PRKCZ: variants seen among roughly 807,000 people sequenced by gnomAD.
The protein encoded by PRKCZ is protein kinase C zeta, also known as protein kinase C zeta type.
PRKCZ carries 33 observed loss-of-function variants against 79.5 expected under a neutral mutation model. That is an observed-to-expected ratio of 0.41 (90% CI 0.31 to 0.55). PRKCZ has a LOEUF of 0.55. Ranked by LOEUF, PRKCZ falls within the 20% of genes least tolerant of loss-of-function variation. PRKCZ has a pLI of 0.19. For missense variants in PRKCZ, 578 were observed against 813.5 expected (o/e 0.71, Z 3.52); for synonymous variants, 342 against 320.9 (o/e 1.07, Z -0.70).
intron 4 of PRKCZ, among the ~76,000 whole-genome samples, chr1:2,072,988 C>G (rs1219716812): frequency 1.3e-5 from 2 of 152,166 alleles, no homozygotes; most frequent in Non-Finnish European, 2.9e-5. Context: ...AATGCCAGGT[C>G]TCACTTGCCA....
chr1:2,174,591 C>T lies in PRKCZ; in HGVS notation c.1406-163C>T, dbSNP rs1008107061. On this transcript the variant is annotated intron_variant, in intron 14 of 17. Transcript: ENST00000378567. The surrounding 1 kb of genome is among the most constrained non-coding windows in gnomAD (Gnocchi z 6.2). ...GTAACCAGGAGGCCCAGGGAGGACC[C>T]GGCGGGACTCCGGGTTATAGATATT... 1.3e-5 allele frequency among the ~76,000 whole-genome samples: 2 copies of T among 152,354 alleles called. No individual in the cohort carries two copies. Among genetic ancestry groups the T allele is most frequent in the East Asian group, 1.9e-4 (1 of 5,182 alleles).
At chr1:2,055,762 A>T in intron 2 of PRKCZ, 200 bp downstream of exon 2, 1 of 747,590 alleles carries the variant, frequency 1.3e-6, no homozygotes, top group Non-Finnish European at 2.1e-6. Context: ...CTGGGCCCAG[A>T]TGCCCCTAGG....
chr1:2,138,028 G>A lies in PRKCZ; in HGVS notation c.420+2681G>A, dbSNP rs1676574307. ...CTAATTGTGCCCGGGCTCTGATCTC[G>A]CCACCTGCTCGTAACGTTCTCTGTC... On this transcript the variant is annotated intron_variant, in intron 5 of 17. Coordinates refer to ENST00000378567, the MANE Select transcript of PRKCZ (RefSeq NM_002744.6). 3.3e-5 allele frequency among the ~76,000 whole-genome samples: 5 copies of A among 152,164 alleles called. No individual in the cohort carries two copies. In the South Asian group the frequency reaches 1.0e-3, roughly 31 times the overall value.
At chr1:2,060,721 G>C (rs1660597314) in intron 4 of PRKCZ, among the ~76,000 whole-genome samples, 1 of 152,200 alleles carries the variant, frequency 6.6e-6, no homozygotes, top group African/African-American at 2.4e-5. Flanking sequence ...GGGTGGTCTG[G>C]GGCTGGACCT....
At chr1:2,117,428 G>A (rs573971983) in intron 4 of PRKCZ, among the ~76,000 whole-genome samples, 1 of 150,210 alleles carries the variant, frequency 6.7e-6, no homozygotes, top group Non-Finnish European at 1.5e-5. Context: ...TAACTCATTT[G>A]TCTTGGCCTC....
intron 1 of PRKCZ, among the ~76,000 whole-genome samples, chr1:2,054,658 T>TA (rs1235954542): frequency 6.6e-6 from 1 of 151,876 alleles, no homozygotes; most frequent in Admixed American, 6.5e-5. Context: ...GGCCTTTCAT[T>TA]ATGGAATTAT....
At chr1:2,055,641 T>C in intron 2 of PRKCZ, 79 bp downstream of exon 2, 3 of 1,520,500 alleles carry the variant, frequency 2.0e-6, no homozygotes, top group Non-Finnish European at 2.7e-6. Flanking sequence ...CGGAGTGTGC[T>C]CAGCCAATTC....
chr1:2,095,057 G>T (rs1666221302), intron 4 of PRKCZ, among the ~76,000 whole-genome samples: 1 of 152,178 alleles, frequency 6.6e-6, no homozygotes, highest in Non-Finnish European at 1.5e-5. Context: ...CACACCCCAG[G>T]CCCCGTAGCA....
At chr1:2,126,990 TGA>T (rs1437051197) in intron 4 of PRKCZ, among the ~76,000 whole-genome samples, 1 of 152,244 alleles carries the variant, frequency 6.6e-6, no homozygotes, top group Admixed American at 6.5e-5. Flanking sequence ...TGCCTAGACG[TGA>T]GAGGACGGAA....
At chr1:2,061,826 T>G (rs1334247364) in intron 4 of PRKCZ, among the ~76,000 whole-genome samples, 2 of 152,216 alleles carry the variant, frequency 1.3e-5, no homozygotes, top group Non-Finnish European at 2.9e-5. Flanking sequence ...TCCTGTGCTT[T>G]CTTTCACTCT....
At chr1:2,158,785 A>G (rs1411292870) in intron 10 of PRKCZ, among the ~76,000 whole-genome samples, 1 of 152,214 alleles carries the variant, frequency 6.6e-6, no homozygotes, top group Non-Finnish European at 1.5e-5. Flanking sequence ...TCAAGTCACA[A>G]GTTCCCAGAT....
chr1:2,078,635 C>A (rs142529488), intron 4 of PRKCZ, among the ~76,000 whole-genome samples: 1 of 152,274 alleles, frequency 6.6e-6, no homozygotes, highest in East Asian at 1.9e-4. Context: ...GCCGACTCCC[C>A]GTCTCTGACT....
In PRKCZ at chr1:2,069,491, C is replaced by T. The variant is rs905820768; in HGVS notation, c.334+9900C>T. ...TGGTGCCTTTTCTTTACCTGTAAAA[C>T]GGGGTGATTGTAAATAAAATCGTGT... On this transcript the variant is annotated intron_variant, in intron 4 of 17. Transcript: ENST00000378567. 3.9e-5 allele frequency among the ~76,000 whole-genome samples: 6 copies of T among 152,308 alleles called. No individual in the cohort carries two copies. The South Asian group carries it at 6.2e-4, about 16-fold the overall frequency.
chr1:2,107,189 C>T (rs1040110591), intron 4 of PRKCZ, among the ~76,000 whole-genome samples: 5 of 152,242 alleles, frequency 3.3e-5, no homozygotes, highest in Non-Finnish European at 7.3e-5. Context: ...TCTCGTGATT[C>T]GTGTAACAGT....
At chr1:2,176,637 C>T (rs1419575955) in intron 16 of PRKCZ, among the ~76,000 whole-genome samples, 1 of 152,218 alleles carries the variant, frequency 6.6e-6, no homozygotes, top group Admixed American at 6.5e-5. Context: ...CAGGAGAAAG[C>T]CCAGCTCTAG....
At chr1:2,048,925 G>C (rs1659440500), upstream of PRKCZ, among the ~76,000 whole-genome samples, 1 of 152,208 alleles carries the variant, frequency 6.6e-6, no homozygotes, top group African/African-American at 2.4e-5. Flanking sequence ...CAGCACTTTG[G>C]GAAGCCAAGG....
In PRKCZ at chr1:2,172,526, A is replaced by G. The variant is rs1684630795; in HGVS notation, c.1285+138A>G. 2 of 1,010,776 alleles carry G rather than the reference A, an allele frequency of 2.0e-6. No individual in the cohort carries two copies. The highest frequency in any genetic ancestry group is 3.3e-5 in the African/African-American group (2 of 61,224). 62.6% of individuals were successfully genotyped at this position (1,010,776 alleles called of 1,614,324 possible). A position where few individuals can be genotyped will look rare whatever the true frequency, so the allele number is the denominator to read the frequency against. On this transcript the variant is annotated intron_variant, in intron 13 of 17. Coordinates refer to ENST00000378567, the MANE Select transcript of PRKCZ (RefSeq NM_002744.6). This position sits in a 1 kb window ranked among gnomAD's most constrained non-coding sequence, Gnocchi z 7.8. ...ACACTGTCTTTCCCAGCCGGATGTC[A>G]TCATCTGGCCTCAGCCCCTTATTTG...
chr1:2,110,305 T>C (rs981219855), intron 4 of PRKCZ, among the ~76,000 whole-genome samples: 4 of 152,228 alleles, frequency 2.6e-5, no homozygotes, highest in African/African-American at 9.6e-5. Context: ...CAGGGCTGAA[T>C]CTGCCTCCAG....
At chr1:2,167,411 T>C (rs1005845376) in intron 10 of PRKCZ, among the ~76,000 whole-genome samples, 3 of 152,168 alleles carry the variant, frequency 2.0e-5, no homozygotes, top group Admixed American at 6.5e-5. Context: ...CTATGGGCCG[T>C]GATAGCTTAA....
Sources: allele counts gnomAD v4.1 joint callset (sites outside exome capture counted in the v4.1 genomes callset), GRCh38; gene constraint gnomAD v4.1.1; non-coding constraint Gnocchi (gnomAD v3.1); transcripts MANE v1.5; gene names NCBI Gene and HGNC (gene_info 2026-07-23, HGNC 2026-07-21).